LRP1B: variants seen among roughly 807,000 people sequenced by gnomAD.
LRP1B encodes LDL receptor related protein 1B, also known as low-density lipoprotein receptor-related protein 1B.
A neutral mutation model predicts 556.6 loss-of-function variants in LRP1B; 217 were observed. That is an observed-to-expected ratio of 0.39 (90% CI 0.35 to 0.44). The LOEUF is 0.44. Ranked by LOEUF, LRP1B falls within the 20% of genes least tolerant of loss-of-function variation. The pLI, the probability that LRP1B is intolerant of heterozygous loss-of-function variation, is 1.00. For synonymous variants in LRP1B, 2,047 were observed against 1,865.8 expected, an observed-to-expected ratio of 1.10 and a Z score of -2.50; for missense variants, 5,053 against 5,620.8, an observed-to-expected ratio of 0.90 and a Z score of 3.23.
At chr2:140,833,848 A>T (rs1459161782) in intron 31 of LRP1B, among the ~76,000 whole-genome samples, 1 of 152,202 alleles carries the variant, frequency 6.6e-6, no homozygotes, top group African/African-American at 2.4e-5. Context: ...GGGTTAAAAA[A>T]ATCCCTGAAA....
At chr2:141,504,091 G>A (rs962692957) in intron 2 of LRP1B, among the ~76,000 whole-genome samples, 1 of 152,096 alleles carries the variant, frequency 6.6e-6, no homozygotes, top group East Asian at 1.9e-4. Context: ...CATGTCCAAA[G>A]GAGGGATATT....
intron 1 of LRP1B, among the ~76,000 whole-genome samples, chr2:141,840,186 T>G (rs1290197964): frequency 2.0e-5 from 3 of 151,718 alleles, no homozygotes; most frequent in Non-Finnish European, 4.4e-5. Context: ...TTTGTATAAT[T>G]GAGGTTATAT....
intron 2 of LRP1B, among the ~76,000 whole-genome samples, chr2:141,525,723 T>C (rs1016934481): frequency 2.6e-5 from 4 of 151,954 alleles, no homozygotes; most frequent in Admixed American, 2.6e-4. Flanking sequence ...AGAAAATACA[T>C]ACATAATATT....
At chr2:140,677,207 G>A (rs914290153) in intron 41 of LRP1B, among the ~76,000 whole-genome samples, 1 of 152,178 alleles carries the variant, frequency 6.6e-6, no homozygotes, top group Non-Finnish European at 1.5e-5. Context: ...TGAGTTCATT[G>A]TCTTTGTCAA....
At chr2:141,275,749 T>C (rs935297195) in intron 3 of LRP1B, among the ~76,000 whole-genome samples, 1 of 152,122 alleles carries the variant, frequency 6.6e-6, no homozygotes, top group South Asian at 2.1e-4. Flanking sequence ...TATAAGCATG[T>C]TATTTTTTAA....
chr2:141,212,249 A>ATTTTTTTTTTTTTTTTTTTTT lies in LRP1B; in HGVS notation c.850+16913_850+16933dup, dbSNP rs59699046. Among the ~76,000 whole-genome samples the ATTTTTTTTTTTTTTTTTTTTT allele has an allele frequency of 4.8e-5, 3 of 62,226 alleles. 1 individual carries two copies. Among genetic ancestry groups the ATTTTTTTTTTTTTTTTTTTTT allele is most frequent in the African/African-American group, 2.0e-4 (3 of 15,102 alleles). 40.8% of individuals were successfully genotyped at this position (62,226 alleles called of 152,430 possible). ...AAGATATATTGATCAAAAAGTCTAG[A>ATTTTTTTTTTTTTTTTTTTTT]TTTTTTTTTTTTTTTTTTTTTTTTT... On this transcript the variant is annotated intron_variant, in intron 6 of 90. Coordinates refer to ENST00000389484, the MANE Select transcript of LRP1B (RefSeq NM_018557.3).
chr2:141,442,374 C>A (rs943397212), intron 3 of LRP1B, among the ~76,000 whole-genome samples: 29 of 148,786 alleles, frequency 1.9e-4, no homozygotes, highest in African/African-American at 6.2e-4. Flanking sequence ...AAACAGTGGA[C>A]AATATACTAC....
chr2:141,568,439 GT>G (rs1384487047), intron 2 of LRP1B, among the ~76,000 whole-genome samples: 1 of 151,042 alleles, frequency 6.6e-6, no homozygotes, highest in Admixed American at 6.6e-5. Context: ...TGAGAAATAG[GT>G]TGAATATAAG....
At chr2:140,259,858 T>A (rs1233837357) in intron 86 of LRP1B, among the ~76,000 whole-genome samples, 1 of 151,814 alleles carries the variant, frequency 6.6e-6, no homozygotes, top group African/African-American at 2.4e-5. Context: ...GAGAGGTCAA[T>A]TGTAGCCATG....
At chr2:141,880,305 G>A (rs1574458315) in intron 1 of LRP1B, among the ~76,000 whole-genome samples, 3 of 151,416 alleles carry the variant, frequency 2.0e-5, no homozygotes, top group Admixed American at 2.0e-4. Flanking sequence ...TTTGGCTAGT[G>A]CAAAAGTAAT....
At chr2:141,741,044 T>C (rs1420007851) in intron 2 of LRP1B, among the ~76,000 whole-genome samples, 11 of 152,080 alleles carry the variant, frequency 7.2e-5, no homozygotes, top group Admixed American at 7.2e-4. Context: ...GCCTGCCTTA[T>C]TTCACTTAAC....
chr2:140,468,691 T>A (rs1263872953), intron 60 of LRP1B, among the ~76,000 whole-genome samples: 2 of 152,242 alleles, frequency 1.3e-5, no homozygotes, highest in Non-Finnish European at 2.9e-5. Flanking sequence ...AGGCAAAATT[T>A]AGAAGATTTT....
rs146105432 is a variant in LRP1B at position 140,558,600 on chromosome 2, T to A, written c.7195-16629A>T. Among the ~76,000 whole-genome samples the A allele has an allele frequency of 1.7e-3, 264 of 152,148 alleles. 3 individuals are homozygous for A. Among genetic ancestry groups the A allele is most frequent in the Admixed American group, 3.9e-3 (59 of 15,252 alleles). On this transcript the variant is annotated intron_variant, in intron 43 of 90. Transcript: ENST00000389484. Reference sequence around the variant, plus strand: ...CTTAGGGCTGAGGGGAGTGAGAGTTTGAGGACTGACAGCTAAGTGGGGAAG... The same window carrying A: ...CTTAGGGCTGAGGGGAGTGAGAGTTAGAGGACTGACAGCTAAGTGGGGAAG...
intron 2 of LRP1B, among the ~76,000 whole-genome samples, chr2:141,741,413 A>C (rs1459725705): frequency 6.6e-6 from 1 of 151,628 alleles, no homozygotes; most frequent in East Asian, 1.9e-4. Flanking sequence ...TTACATTCCT[A>C]CCAATAGTGT....
intron 2 of LRP1B, among the ~76,000 whole-genome samples, chr2:141,585,809 T>C (rs1687116742): frequency 6.6e-6 from 1 of 152,100 alleles, no homozygotes. Context: ...GGTGCCTTAC[T>C]CTGTCATAGC....
At chr2:140,289,671 G>T (rs1683296636) in intron 84 of LRP1B, among the ~76,000 whole-genome samples, 1 of 149,906 alleles carries the variant, frequency 6.7e-6, no homozygotes. Flanking sequence ...TTTACTATTG[G>T]GTCAAAATGG....
At chr2:140,803,379 A>G (rs192136546) in intron 32 of LRP1B, among the ~76,000 whole-genome samples, 3 of 148,926 alleles carry the variant, frequency 2.0e-5, no homozygotes, top group Admixed American at 1.4e-4. Flanking sequence ...CGGGTTCAAG[A>G]GATTCTCCTA....
intron 32 of LRP1B, among the ~76,000 whole-genome samples, chr2:140,801,346 A>C (rs1402929947): frequency 1.3e-5 from 2 of 152,200 alleles, no homozygotes; most frequent in Non-Finnish European, 2.9e-5. Flanking sequence ...CAGCTAATGA[A>C]CAGGGAACAC....
chr2:140,605,114 C>T (rs1048527681), intron 41 of LRP1B, among the ~76,000 whole-genome samples: 1 of 152,154 alleles, frequency 6.6e-6, no homozygotes, highest in Non-Finnish European at 1.5e-5. Context: ...TATAAAGCAT[C>T]ATAATGAAGT....
Sources: allele counts gnomAD v4.1 joint callset (sites outside exome capture counted in the v4.1 genomes callset), GRCh38; gene constraint gnomAD v4.1.1; transcripts MANE v1.5; gene names NCBI Gene and HGNC (gene_info 2026-07-23, HGNC 2026-07-21).